Variants in PLAC1 observed in about 807,000 individuals in gnomAD.
The protein encoded by PLAC1 is placenta-specific protein 1.
For missense variants in PLAC1, 136 were observed against 163.2 expected, an observed-to-expected ratio of 0.83 and a Z score of 0.91; for synonymous variants, 68 against 62.1, an observed-to-expected ratio of 1.09 and a Z score of -0.44.
chrX:134,751,120 CAA>C (rs751605508), intron 1 of PLAC1, among the ~76,000 whole-genome samples: 8 of 46,049 alleles, frequency 1.7e-4, no homozygotes, highest in Non-Finnish European at 1.7e-4. Flanking sequence ...AAGGCTCTGT[CAA>C]AAAAAAAAAA....
At chrX:134,673,893 A>G (rs1377470243) in intron 2 of PLAC1, among the ~76,000 whole-genome samples, 1 of 113,160 alleles carries the variant, frequency 8.8e-6, no homozygotes. Context: ...ATGAGAAGAA[A>G]TGTGGCTATA....
intron 2 of PLAC1, among the ~76,000 whole-genome samples, chrX:134,589,224 C>G (rs749345205): frequency 2.7e-5 from 3 of 111,588 alleles, no homozygotes; most frequent in South Asian, 3.8e-4. Flanking sequence ...TTGTGCTTGC[C>G]TAATTCGCTT....
intron 2 of PLAC1, among the ~76,000 whole-genome samples, chrX:134,687,815 C>CAT (rs56675396): frequency 3.2e-3 from 100 of 31,127 alleles, no homozygotes; most frequent in East Asian, 6.3e-3. Context: ...ACTGAGATAA[C>CAT]ATATATATAT....
At chrX:134,630,893 C>T (rs953959298) in intron 1 of PLAC1, among the ~76,000 whole-genome samples, 2 of 111,714 alleles carry the variant, frequency 1.8e-5, no homozygotes, top group African/African-American at 6.5e-5. Context: ...AAAGCAGTAG[C>T]TGCTGCACCT....
At chrX:134,572,757 T>TG (rs1375588820) in intron 2 of PLAC1, among the ~76,000 whole-genome samples, 1 of 110,631 alleles carries the variant, frequency 9.0e-6, no homozygotes, top group Non-Finnish European at 1.9e-5. Context: ...ATTTCTAATT[T>TG]GGGGGGAAAG....
At chrX:134,596,196 TCAGA>T (rs34427123) in intron 2 of PLAC1, among the ~76,000 whole-genome samples, 20,410 of 111,317 alleles carry the variant, frequency 0.18, 1,535 homozygotes, top group Non-Finnish European at 0.21. Context: ...TAGAACTATA[TCAGA>T]CAGTATTATT....
chrX:134,733,459 C>G (rs1255073775), exon 2 of PLAC1: 1 of 111,721 alleles, frequency 9.0e-6, no homozygotes, highest in Non-Finnish European at 1.9e-5. Context: ...GAGGGCCAGT[C>G]CAGCAGAAAG....
intron 1 of PLAC1, among the ~76,000 whole-genome samples, chrX:134,621,444 CAAAAAAAA>C (rs11317429): frequency 5.9e-5 from 2 of 33,862 alleles, no homozygotes; most frequent in East Asian, 1.4e-3. Flanking sequence ...GGCTCTGTCT[CAAAAAAAA>C]AAAAAAAAAA....
chrX:134,566,381 G>A lies in PLAC1; in HGVS notation c.302C>T (p.Ser101Phe). 2.5e-6 allele frequency: 3 copies of A among 1,211,653 alleles called. No individual in the cohort carries two copies. The highest frequency in any genetic ancestry group is 3.4e-6 in the Non-Finnish European group (3 of 895,320). Residue 101 changes from serine to phenylalanine, a missense_variant, in exon 3 of 3, where the codon TCT becomes TTT. Coordinates refer to ENST00000359237, the MANE Select transcript of PLAC1 (RefSeq NM_021796.4). Reference protein sequence around the residue: ...MVIYSTEIHYSSKGTPSKFVI... With the variant: ...MVIYSTEIHYFSKGTPSKFVI... ...AAACTTAGATGGCGTGCCCTTAGAAGAGTAGTGTATCTCAGTGCTGTAGAT... is the reference window on the plus strand; with the variant it reads ...AAACTTAGATGGCGTGCCCTTAGAAAAGTAGTGTATCTCAGTGCTGTAGAT...
intron 2 of PLAC1, among the ~76,000 whole-genome samples, chrX:134,680,545 GAACTAAACTA>G (rs560733130): frequency 0.015 from 767 of 49,695 alleles, 8 homozygotes; most frequent in African/African-American, 0.031. Context: ...AAACTAAACT[GAACTAAACTA>G]AACTAAACTA....
At chrX:134,734,030 T>C (rs2078696213) in intron 1 of PLAC1, among the ~76,000 whole-genome samples, 1 of 111,877 alleles carries the variant, frequency 8.9e-6, no homozygotes, top group Non-Finnish European at 1.9e-5. Flanking sequence ...ATTGAAGTTC[T>C]TTCCTGGATG....
At chrX:134,570,077 G>A (rs2077900529) in intron 2 of PLAC1, among the ~76,000 whole-genome samples, 1 of 111,703 alleles carries the variant, frequency 9.0e-6, no homozygotes, top group Non-Finnish European at 1.9e-5. Context: ...TGATCCGCCT[G>A]CCTTGGCCTC....
chrX:134,669,349 T>C (rs1361105009), intron 2 of PLAC1, among the ~76,000 whole-genome samples: 2 of 112,167 alleles, frequency 1.8e-5, no homozygotes, highest in Admixed American at 9.4e-5. Context: ...CCGTGTGATG[T>C]TGGGCAAGTT....
At chrX:134,680,545 G>GAACTAAACTAAACTGAACTAAACTA (rs2078491545) in intron 2 of PLAC1, among the ~76,000 whole-genome samples, 1 of 49,662 alleles carries the variant, frequency 2.0e-5, no homozygotes, top group Non-Finnish European at 5.4e-5. Flanking sequence ...AAACTAAACT[G>GAACTAAACTAAACTGAACTAAACTA]AACTAAACTA....
At chrX:134,646,619 G>T (rs1217987600) in intron 1 of PLAC1, among the ~76,000 whole-genome samples, 1 of 112,505 alleles carries the variant, frequency 8.9e-6, no homozygotes, top group Non-Finnish European at 1.9e-5. Context: ...CCCCTGGAGA[G>T]ACCAAATTCC....
chrX:134,729,163 A>T (rs2078681730), intron 2 of PLAC1, among the ~76,000 whole-genome samples: 1 of 112,095 alleles, frequency 8.9e-6, no homozygotes, highest in African/African-American at 3.2e-5. Flanking sequence ...CACACAACAG[A>T]CACTCAATAA....
chrX:134,702,035 A>G (rs930525493), intron 2 of PLAC1, among the ~76,000 whole-genome samples: 1 of 111,677 alleles, frequency 9.0e-6, no homozygotes, highest in Non-Finnish European at 1.9e-5. Context: ...AAACGAACAC[A>G]ATGAAATACC....
chrX:134,676,600 T>C (rs1269755974), intron 2 of PLAC1, among the ~76,000 whole-genome samples: 4 of 112,256 alleles, frequency 3.6e-5, no homozygotes, highest in Non-Finnish European at 7.5e-5. Flanking sequence ...ACTTAACTTT[T>C]ATGTAGGCAG....
intron 2 of PLAC1, among the ~76,000 whole-genome samples, chrX:134,672,550 C>T (rs2078459179): frequency 1.8e-5 from 2 of 112,147 alleles, no homozygotes; most frequent in Non-Finnish European, 3.8e-5. Context: ...GTTGGTGCTA[C>T]TAATCTAATT....
Sources: gnomAD v4.1 joint callset for allele counts (sites outside exome capture counted in the v4.1 genomes callset) on GRCh38, gnomAD v4.1.1 for gene constraint, MANE v1.5 for transcripts, NCBI Gene and HGNC (gene_info 2026-07-23, HGNC 2026-07-21) for gene names.